NALF1: variants seen among roughly 807,000 people sequenced by gnomAD.
NALF1 encodes the protein family with sequence similarity 155 member A.
NALF1 carries 3 observed loss-of-function variants against 48.4 expected under a neutral mutation model. That is an observed-to-expected ratio of 0.06 (90% CI 0.03 to 0.16). NALF1 has a LOEUF of 0.16. Among genes scored for constraint, NALF1 ranks in the 10% least tolerant of loss-of-function variants. The probability of loss-of-function intolerance (pLI) is 1.00; values close to 1 mark genes in which losing one functional copy is unlikely to be tolerated. For synonymous variants in NALF1, 262 were observed against 245.7 expected, an observed-to-expected ratio of 1.07 and a Z score of -0.62; for missense variants, 526 against 571.5, an observed-to-expected ratio of 0.92 and a Z score of 0.81.
At chr13:107,433,544 G>A (rs187230793) in intron 1 of NALF1, among the ~76,000 whole-genome samples, 1 of 151,952 alleles carries the variant, frequency 6.6e-6, no homozygotes, top group African/African-American at 2.4e-5. Flanking sequence ...CCTGCACATT[G>A]TGCACATGTA....
intron 1 of NALF1, among the ~76,000 whole-genome samples, chr13:107,574,172 T>C (rs370519417): frequency 6.6e-6 from 1 of 152,132 alleles, no homozygotes; most frequent in South Asian, 2.1e-4. Context: ...AGAAACAAAT[T>C]TTTGTCCTGC....
chr13:107,679,201 T>A (rs1442302194), intron 1 of NALF1, among the ~76,000 whole-genome samples: 1 of 152,234 alleles, frequency 6.6e-6, no homozygotes, highest in East Asian at 1.9e-4. Flanking sequence ...TAATTTTTCA[T>A]AACCTTGTAA....
At chr13:107,811,976 A>G (rs1185847301) in intron 1 of NALF1, among the ~76,000 whole-genome samples, 1 of 152,192 alleles carries the variant, frequency 6.6e-6, no homozygotes, top group Admixed American at 6.5e-5. Context: ...TTATCATAAC[A>G]GTTAAAATTT....
At chr13:107,740,636 A>G (rs1876604320) in intron 1 of NALF1, among the ~76,000 whole-genome samples, 1 of 152,232 alleles carries the variant, frequency 6.6e-6, no homozygotes, top group African/African-American at 2.4e-5. Context: ...ACATTTTTCC[A>G]TAAATCAAAT....
At chr13:107,539,999 AAAAAC>A (rs752724131) in intron 1 of NALF1, among the ~76,000 whole-genome samples, 142 of 152,140 alleles carry the variant, frequency 9.3e-4, no homozygotes, top group Non-Finnish European at 1.1e-3. Flanking sequence ...AAATATCATT[AAAAAC>A]AAAACAAGAG....
intron 1 of NALF1, among the ~76,000 whole-genome samples, chr13:107,371,858 A>G (rs1883253611): frequency 6.6e-6 from 1 of 152,232 alleles, no homozygotes; most frequent in Admixed American, 6.5e-5. Flanking sequence ...TTAACATTTT[A>G]TTACAGTTTT....
chr13:107,220,944 TA>T (rs1879978696), intron 1 of NALF1, among the ~76,000 whole-genome samples: 1 of 151,900 alleles, frequency 6.6e-6, no homozygotes, highest in Non-Finnish European at 1.5e-5. Context: ...GTATATAATA[TA>T]AACACCATAG....
intron 1 of NALF1, among the ~76,000 whole-genome samples, chr13:107,662,370 A>G (rs1046210766): frequency 2.6e-5 from 4 of 152,214 alleles, no homozygotes; most frequent in Non-Finnish European, 5.9e-5. Context: ...AGAGCAGCCA[A>G]TAAAGTATAT....
intron 1 of NALF1, among the ~76,000 whole-genome samples, chr13:107,485,143 G>C (rs1489169857): frequency 6.6e-6 from 1 of 152,120 alleles, no homozygotes; most frequent in Non-Finnish European, 1.5e-5. Flanking sequence ...GGCTGCATTT[G>C]TAACTCCCAT....
At position 107,248,255 on chromosome 13, in the gene NALF1, G is replaced by A. The variant is rs536815718; in HGVS notation, c.916-37500C>T. Among the ~76,000 whole-genome samples the A allele has an allele frequency of 1.4e-4, 22 of 152,156 alleles. No homozygotes were observed. In the South Asian group the frequency reaches 2.5e-3, roughly 17 times the overall value. On this transcript the variant is annotated intron_variant, in intron 1 of 2. Transcript: ENST00000375915. ...AAAAGGAGAAAAGGCCCAGGTAATC[G>A]TTGAAATTTGGAAGGAAATTTTAGG...
At chr13:107,440,015 C>A (rs927420942) in intron 1 of NALF1, among the ~76,000 whole-genome samples, 2 of 152,154 alleles carry the variant, frequency 1.3e-5, no homozygotes, top group African/African-American at 4.8e-5. Context: ...AAAATACTTT[C>A]ACTTAATATT....
intron 1 of NALF1, among the ~76,000 whole-genome samples, chr13:107,445,221 A>G (rs937831269): frequency 3.3e-5 from 5 of 152,218 alleles, no homozygotes; most frequent in African/African-American, 1.2e-4. Context: ...GTAGTCCCTT[A>G]AAGTAGCTCT....
At chr13:107,526,418 T>C (rs1342617907) in intron 1 of NALF1, among the ~76,000 whole-genome samples, 1 of 152,154 alleles carries the variant, frequency 6.6e-6, no homozygotes, top group African/African-American at 2.4e-5. Flanking sequence ...TATCTATGTA[T>C]CCCTAGCAGA....
At chr13:107,696,410 G>C (rs756836961) in intron 1 of NALF1, among the ~76,000 whole-genome samples, 2 of 152,108 alleles carry the variant, frequency 1.3e-5, no homozygotes. Context: ...AACTGACAAC[G>C]TTACACAAAT....
intron 1 of NALF1, among the ~76,000 whole-genome samples, chr13:107,848,053 A>G (rs1594312112): frequency 1.3e-5 from 2 of 151,694 alleles, no homozygotes; most frequent in South Asian, 4.1e-4. Context: ...AGTGTACTCA[A>G]TCAGTCAGAA....
At position 107,192,510 on chromosome 13, in the gene NALF1, C is replaced by T. The variant is rs201724786; in HGVS notation, c.1087+18074G>A. Among the ~76,000 whole-genome samples, 37 of 152,290 alleles carry T rather than the reference C, an allele frequency of 2.4e-4. No homozygotes were observed. The East Asian group carries it at 7.0e-3, about 29-fold the overall frequency. The stretch of plus-strand genomic sequence containing the variant: ...TTGTGGACTTCCCGAGAATAAAGCG[C>T]TTAAGCACCCGTGGTACATCAAAGG... On this transcript the variant is annotated intron_variant, in intron 2 of 2. Coordinates refer to ENST00000375915, the MANE Select transcript of NALF1 (RefSeq NM_001080396.3).
intron 1 of NALF1, among the ~76,000 whole-genome samples, chr13:107,403,326 T>C (rs2138993489): frequency 6.6e-6 from 1 of 151,284 alleles, no homozygotes; most frequent in Admixed American, 6.6e-5. Flanking sequence ...AATTTTTGGT[T>C]GCCTGGTATG....
chr13:107,225,665 G>T (rs1311045941), intron 1 of NALF1, among the ~76,000 whole-genome samples: 4 of 152,158 alleles, frequency 2.6e-5, no homozygotes, highest in Non-Finnish European at 4.4e-5. Context: ...TCAACAGTGT[G>T]TATGGAATAG....
chr13:107,774,676 A>AT (rs1877674457), intron 1 of NALF1, among the ~76,000 whole-genome samples: 1 of 152,170 alleles, frequency 6.6e-6, no homozygotes. Flanking sequence ...TGCAATACCT[A>AT]TTATATGCAA....
Sources: allele counts gnomAD v4.1 joint callset (sites outside exome capture counted in the v4.1 genomes callset), GRCh38; gene constraint gnomAD v4.1.1; transcripts MANE v1.5; gene names NCBI Gene and HGNC (gene_info 2026-07-23, HGNC 2026-07-21).